The following RNF121 variants were observed in gnomAD, a reference collection of about 807,000 sequenced individuals.
RNF121 encodes the protein E3 ubiquitin ligase RNF121.
A neutral mutation model predicts 46.5 loss-of-function variants in RNF121; 21 were observed. The ratio of observed to expected loss-of-function variants is 0.45; its 90% CI spans 0.32 to 0.65. The LOEUF is 0.65. Among genes scored for constraint, RNF121 ranks in the 30% least tolerant of loss-of-function variants. The probability of loss-of-function intolerance (pLI) is 0.04; values close to 1 mark genes in which losing one functional copy is unlikely to be tolerated. For synonymous variants in RNF121, 139 were observed against 144.7 expected (o/e 0.96, Z 0.28); for missense variants, 346 against 416.0 (o/e 0.83, Z 1.46).
At chr11:71,937,550 C>T (rs1375218163) in intron 1 of RNF121, among the ~76,000 whole-genome samples, 1 of 152,150 alleles carries the variant, frequency 6.6e-6, no homozygotes, top group Admixed American at 6.6e-5. Context: ...AAATGGACAC[C>T]AGTGTGTATG....
intron 4 of RNF121, among the ~76,000 whole-genome samples, chr11:71,985,155 G>T (rs918377152): frequency 1.3e-5 from 2 of 151,992 alleles, no homozygotes; most frequent in African/African-American, 4.8e-5. Context: ...TCGAACTCCT[G>T]AGCTCAAAGA....
chr11:71,985,502 G>A (rs1236056744), intron 4 of RNF121, among the ~76,000 whole-genome samples: 1 of 152,096 alleles, frequency 6.6e-6, no homozygotes, highest in African/African-American at 2.4e-5. Flanking sequence ...TGCAATCCCT[G>A]GAGAATAGAG....
At chr11:71,947,555 C>T (rs1361523370) in intron 1 of RNF121, among the ~76,000 whole-genome samples, 1 of 151,484 alleles carries the variant, frequency 6.6e-6, no homozygotes, top group South Asian at 2.1e-4. Context: ...AAGACGGCAG[C>T]AGCCAAAGAA....
At chr11:71,965,771 TGCCCTC>T (rs1954262330) in intron 3 of RNF121, among the ~76,000 whole-genome samples, 1 of 152,178 alleles carries the variant, frequency 6.6e-6, no homozygotes, top group African/African-American at 2.4e-5. Flanking sequence ...CTTGCCAAAT[TGCCCTC>T]CAAGAAAGTT....
rs933709312 is a variant in RNF121 at position 71,937,263 on chromosome 11, A to G, written c.63+8139A>G. ...TTTCATCTCTGTATTTTCAGCACCT[A>G]ATCTTGCACAGTGGCTAGCATGGAG... On this transcript the variant is annotated intron_variant, in intron 1 of 8. Transcript: ENST00000361756. Among the ~76,000 whole-genome samples the G allele has an allele frequency of 3.9e-5, 6 of 152,124 alleles. No individual in the cohort carries two copies. The South Asian group carries it at 1.2e-3, about 32-fold the overall frequency.
intron 4 of RNF121, among the ~76,000 whole-genome samples, chr11:71,986,138 T>C (rs1045846147): frequency 6.6e-6 from 1 of 152,110 alleles, no homozygotes; most frequent in Non-Finnish European, 1.5e-5. Context: ...CTTAAGTGCC[T>C]CTCTCCCTTC....
At chr11:71,967,851 A>AT (rs1358680088) in intron 3 of RNF121, among the ~76,000 whole-genome samples, 1 of 152,172 alleles carries the variant, frequency 6.6e-6, no homozygotes, top group African/African-American at 2.4e-5. Context: ...CACAAGATGT[A>AT]TTATTCACAG....
At chr11:71,934,941 CT>C (rs34428026) in intron 1 of RNF121, among the ~76,000 whole-genome samples, 109,037 of 135,262 alleles carry the variant, frequency 0.81, 45,188 homozygotes, top group Non-Finnish European at 0.92. Context: ...CAAATGCATT[CT>C]TTTTTTTTTT....
chr11:71,987,356 T>G (rs925090791), intron 5 of RNF121, among the ~76,000 whole-genome samples: 3 of 152,210 alleles, frequency 2.0e-5, no homozygotes, highest in Non-Finnish European at 4.4e-5. Context: ...TATATTTTAG[T>G]GGAAAAGTCT....
rs970000785 is a variant in RNF121 at position 71,997,347 on chromosome 11, G to A, written c.*1032G>A. The A allele has an allele frequency of 1.3e-5, 2 of 152,158 alleles. No homozygotes were observed. Among genetic ancestry groups the A allele is most frequent in the Non-Finnish European group, 2.9e-5 (2 of 68,038 alleles). The allele number at this position is 152,158 out of a possible 1,614,324, so 9.4% of individuals were successfully genotyped here. A position where few individuals can be genotyped will look rare whatever the true frequency, so the allele number is the denominator to read the frequency against. On this transcript the variant is annotated 3_prime_UTR_variant, in exon 9 of 9. Transcript: ENST00000361756. ...CCCTACATGATTTTTGTCATTCATGGGTCCTCCCTGGGCCTGACAACGGGA... is the reference window on the plus strand; with the variant it reads ...CCCTACATGATTTTTGTCATTCATGAGTCCTCCCTGGGCCTGACAACGGGA...
At chr11:71,991,234 A>AT (rs1044243078) in intron 6 of RNF121, among the ~76,000 whole-genome samples, 3 of 46,834 alleles carry the variant, frequency 6.4e-5, no homozygotes, top group Admixed American at 1.9e-4. Flanking sequence ...AGTTGAAATT[A>AT]TTAAAAAAAA....
In RNF121 at chr11:71,994,782, C is replaced by T; in HGVS notation, c.691C>T (p.Gln231Ter). 6.2e-7 allele frequency: 1 copy of T among 1,614,142 alleles called. No individual in the cohort carries two copies. The highest frequency in any genetic ancestry group is 8.5e-7 in the Non-Finnish European group (1 of 1,180,022). ...AGACAGTGTGTGTGCTGTGTGTGGGCAGCAGATCTTTGTGGACGTCAGTGA... is the reference window on the plus strand; with the variant it reads ...AGACAGTGTGTGTGCTGTGTGTGGGTAGCAGATCTTTGTGGACGTCAGTGA... ...LSDSVCAVCG[Q>*]QIFVDVSEEG... Residue 231 changes from glutamine (Q) to a stop codon, truncating the protein, a stop_gained, in exon 7 of 9, where the codon CAG (glutamine) becomes TAG (stop). Coordinates refer to ENST00000361756, the MANE Select transcript of RNF121 (RefSeq NM_018320.5). LOFTEE classifies it high-confidence loss of function.
At chr11:71,981,484 C>A (rs1954657177) in intron 3 of RNF121, among the ~76,000 whole-genome samples, 1 of 152,096 alleles carries the variant, frequency 6.6e-6, no homozygotes, top group African/African-American at 2.4e-5. Context: ...AGAAAACCTC[C>A]ATTATGTATT....
At chr11:71,930,749 A>G (rs1953260077) in intron 1 of RNF121, among the ~76,000 whole-genome samples, 1 of 152,242 alleles carries the variant, frequency 6.6e-6, no homozygotes, top group Non-Finnish European at 1.5e-5. Context: ...CCTTGAGACA[A>G]TTACGTATAT....
intron 3 of RNF121, among the ~76,000 whole-genome samples, chr11:71,963,556 G>T (rs1442232328): frequency 6.6e-6 from 1 of 152,180 alleles, no homozygotes; most frequent in East Asian, 1.9e-4. Flanking sequence ...GGAGTTGGAG[G>T]TTGCAATGAG....
In RNF121 at chr11:71,996,297, C is replaced by T. The variant is rs1206874710; in HGVS notation, c.966C>T (p.Tyr322=). 2.5e-6 allele frequency: 4 copies of T among 1,614,036 alleles called. No homozygotes were observed. Among genetic ancestry groups the T allele is most frequent in the Non-Finnish European group, 3.4e-6 (4 of 1,180,026 alleles). The change falls in exon 9 of 9, where the codon TAC becomes TAT. Residue 322 remains tyrosine (Y), a synonymous_variant. Coordinates refer to ENST00000361756, the MANE Select transcript of RNF121 (RefSeq NM_018320.5). Reference sequence around the variant, plus strand: ...TTGGTGTAGTCCAAGGCATCAACTACATCCTGGGCCTGGAATAGTGATGAA... The same window carrying T: ...TTGGTGTAGTCCAAGGCATCAACTATATCCTGGGCCTGGAATAGTGATGAA... ...VIIGVVQGIN[Y]ILGLE is the part of the protein sequence containing the mutation.
chr11:71,964,768 C>T (rs1182151597), intron 3 of RNF121, among the ~76,000 whole-genome samples: 2 of 152,130 alleles, frequency 1.3e-5, no homozygotes, highest in East Asian at 1.9e-4. Context: ...CGTGAGCCAC[C>T]GTGCCTGGTA....
rs1422478416 is a variant in RNF121, at chr11:71,951,209, C to A, written c.64-6018C>A. On this transcript the variant is annotated intron_variant, in intron 1 of 8. Transcript: ENST00000361756. Reference sequence around the variant, plus strand: ...ATTGCACAAGAGCAAAACTCCGTCTCAAAAAAAAAAAAATGCAATAATGAA... The same window carrying A: ...ATTGCACAAGAGCAAAACTCCGTCTAAAAAAAAAAAAAATGCAATAATGAA... Among the ~76,000 whole-genome samples the A allele has an allele frequency of 1.7e-3, 250 of 143,050 alleles. 1 individual carries two copies. The highest frequency in any genetic ancestry group is 1.6e-3 in the Non-Finnish European group (108 of 65,774). The allele number at this position is 143,050 out of a possible 152,430, so 93.8% of individuals were successfully genotyped here. A position where few individuals can be genotyped will look rare whatever the true frequency, so the allele number is the denominator to read the frequency against.
chr11:71,988,199 A>G (rs1954804161), intron 5 of RNF121, among the ~76,000 whole-genome samples: 1 of 152,206 alleles, frequency 6.6e-6, no homozygotes, highest in South Asian at 2.1e-4. Context: ...AAGCCTTCCA[A>G]AAGATCTTTA....
Sources: allele counts gnomAD v4.1 joint callset (sites outside exome capture counted in the v4.1 genomes callset), GRCh38; gene constraint gnomAD v4.1.1; transcripts MANE v1.5; gene names NCBI Gene and HGNC (gene_info 2026-07-23, HGNC 2026-07-21).